SYT14: variants seen among roughly 807,000 people sequenced by gnomAD.
SYT14 encodes synaptotagmin 14.
A neutral mutation model predicts 74.2 loss-of-function variants in SYT14; 32 were observed. The observed-to-expected ratio is 0.43, with a 90% CI of 0.33 to 0.58. The LOEUF is 0.58. SYT14 is among the 20% of genes least tolerant of loss of function. The probability of loss-of-function intolerance (pLI) is 0.05; values close to 1 mark genes in which losing one functional copy is unlikely to be tolerated. For missense variants in SYT14, 791 were observed against 981.8 expected (o/e 0.81, Z 2.60); for synonymous variants, 298 against 337.7 (o/e 0.88, Z 1.29).
intron 5 of SYT14, among the ~76,000 whole-genome samples, chr1:210,026,839 TA>T (rs2080424669): frequency 6.6e-6 from 1 of 152,104 alleles, no homozygotes; most frequent in East Asian, 1.9e-4. Flanking sequence ...ACTGTTATAT[TA>T]AAAATTGTTT....
intron 5 of SYT14, among the ~76,000 whole-genome samples, chr1:210,054,728 T>C (rs1275829040): frequency 6.6e-6 from 1 of 152,190 alleles, no homozygotes; most frequent in Non-Finnish European, 1.5e-5. Context: ...CCCCTTAATT[T>C]TTCGGAATAA....
At chr1:210,107,604 T>A (rs1347194951) in intron 7 of SYT14, among the ~76,000 whole-genome samples, 1 of 152,170 alleles carries the variant, frequency 6.6e-6, no homozygotes. Flanking sequence ...GAAAAATGAC[T>A]AACCCTCTCC....
At chr1:210,074,900 G>A (rs1283129926) in intron 5 of SYT14, among the ~76,000 whole-genome samples, 1 of 152,028 alleles carries the variant, frequency 6.6e-6, no homozygotes, top group Non-Finnish European at 1.5e-5. Context: ...GGCGGCTTGT[G>A]TTAGTCAGCT....
chr1:209,964,577 G>A (rs1232450297), intron 2 of SYT14, among the ~76,000 whole-genome samples: 5 of 152,230 alleles, frequency 3.3e-5, no homozygotes, highest in Middle Eastern at 3.4e-3. Context: ...TTGGAATAAA[G>A]TATCCTCTCC....
At chr1:209,972,301 A>G (rs1310864690) in intron 2 of SYT14, among the ~76,000 whole-genome samples, 1 of 151,494 alleles carries the variant, frequency 6.6e-6, no homozygotes, top group African/African-American at 2.4e-5. Flanking sequence ...GTTTCAAAGA[A>G]CCAACTTTTG....
At chr1:210,051,043 G>C (rs532039932) in intron 5 of SYT14, among the ~76,000 whole-genome samples, 2 of 152,262 alleles carry the variant, frequency 1.3e-5, no homozygotes, top group South Asian at 4.1e-4. Context: ...TTAGTGAACA[G>C]TTTATTTTGA....
At chr1:210,038,773 G>C (rs945041823) in intron 5 of SYT14, among the ~76,000 whole-genome samples, 1 of 152,074 alleles carries the variant, frequency 6.6e-6, no homozygotes, top group African/African-American at 2.4e-5. Flanking sequence ...AGTTTCTGCT[G>C]GGAAGTCTGC....
chr1:210,107,698 AT>A (rs1220800361), intron 7 of SYT14, among the ~76,000 whole-genome samples: 1 of 152,096 alleles, frequency 6.6e-6, no homozygotes, highest in African/African-American at 2.4e-5. Context: ...ATTTTATTTC[AT>A]TTTTTTCTAT....
At chr1:209,941,523 T>G (rs1342068509) in intron 1 of SYT14, among the ~76,000 whole-genome samples, 3 of 152,182 alleles carry the variant, frequency 2.0e-5, no homozygotes, top group African/African-American at 4.8e-5. Flanking sequence ...TTGACACTTT[T>G]TTGTTGTATT....
At chr1:209,977,121 C>T (rs1469693903) in intron 2 of SYT14, among the ~76,000 whole-genome samples, 2 of 152,046 alleles carry the variant, frequency 1.3e-5, no homozygotes, top group Non-Finnish European at 2.9e-5. Flanking sequence ...AGATGGGTTC[C>T]CTGAATACAG....
intron 7 of SYT14, among the ~76,000 whole-genome samples, chr1:210,100,792 AT>A (rs142912736): frequency 1.3e-5 from 2 of 151,800 alleles, no homozygotes; most frequent in East Asian, 1.9e-4. Flanking sequence ...AGAATTTATT[AT>A]TTTTTTTCCA....
chr1:210,116,249 A>G lies in SYT14; in HGVS notation c.2034+15788A>G, dbSNP rs111784203. ...AAATGTTGAATGAATGGATGGGTGA[A>G]TAAGTTCATAGGGTATGTATATTAT... On this transcript the variant is annotated intron_variant, in intron 7 of 9. Coordinates refer to ENST00000637265, the Ensembl canonical transcript of SYT14. Among the ~76,000 whole-genome samples the G allele has an allele frequency of 9.6e-3, 1,455 of 152,314 alleles. 20 individuals are homozygous for G. The highest frequency in any genetic ancestry group is 0.033 in the African/African-American group (1,375 of 41,572).
intron 8 of SYT14, among the ~76,000 whole-genome samples, chr1:210,157,929 A>G (rs1009132579): frequency 1.3e-5 from 2 of 152,136 alleles, no homozygotes; most frequent in African/African-American, 4.8e-5. Flanking sequence ...TGCTTCTTAC[A>G]TGTATCACAG....
At chr1:210,022,925 T>C (rs2080332446) in intron 5 of SYT14, among the ~76,000 whole-genome samples, 2 of 152,156 alleles carry the variant, frequency 1.3e-5, no homozygotes, top group African/African-American at 4.8e-5. Context: ...AGCCTGACTT[T>C]ATAGCCTATG....
chr1:210,033,322 A>C (rs2080583084), intron 5 of SYT14, among the ~76,000 whole-genome samples: 1 of 151,814 alleles, frequency 6.6e-6, no homozygotes, highest in African/African-American at 2.4e-5. Context: ...AGCCATTTTA[A>C]AGAGGTAAAT....
rs1176607858 is a variant in SYT14, at chr1:209,970,692, T to A, written c.-486+17936T>A. Among the ~76,000 whole-genome samples, 248 of 65,714 alleles carry A rather than the reference T, an allele frequency of 3.8e-3. 14 individuals are homozygous for A. Among genetic ancestry groups the A allele is most frequent in the African/African-American group, 0.017 (232 of 13,902 alleles). 43.1% of individuals were successfully genotyped at this position (65,714 alleles called of 152,430 possible). ...TTTTTTTTTTTTTTTTTTTTTTTTT[T>A]TTTTTTTTTGAGGCAGAGTCTCACT... is the stretch of plus-strand genomic sequence containing the variant. On this transcript the variant is annotated intron_variant, in intron 2 of 9. Coordinates refer to ENST00000637265, the Ensembl canonical transcript of SYT14.
At chr1:210,090,624 T>C (rs1009795658) in intron 5 of SYT14, among the ~76,000 whole-genome samples, 7 of 152,152 alleles carry the variant, frequency 4.6e-5, no homozygotes, top group Non-Finnish European at 8.8e-5. Flanking sequence ...AAAATCGGGG[T>C]ATGAAATTAG....
In SYT14 at chr1:210,067,966, C is replaced by G. The variant is rs2081327416; in HGVS notation, c.1313-26356C>G. Among the ~76,000 whole-genome samples the G allele has an allele frequency of 2.0e-5, 3 of 151,806 alleles. No homozygotes were observed. In the South Asian group the frequency reaches 6.2e-4, roughly 31 times the overall value. On this transcript the variant is annotated intron_variant, in intron 5 of 9. Transcript: ENST00000637265. ...ATAAATTCTAATAATTTACCTCTAG[C>G]TCTGGCTAGGAACTCACATACAATG... is the stretch of plus-strand genomic sequence containing the variant.
At chr1:210,139,265 C>CTTTTTTTTTTTTTTTTTTTTTTTTTTT (rs960923188) in intron 7 of SYT14, among the ~76,000 whole-genome samples, 1 of 95,858 alleles carries the variant, frequency 1.0e-5, no homozygotes, top group East Asian at 2.8e-4. Context: ...TTTCTTTTTT[C>CTTTTTTTTTTTTTTTTTTTTTTTTTTT]TTTTTTTTTT....
Sources: gnomAD v4.1 joint callset for allele counts (sites outside exome capture counted in the v4.1 genomes callset) on GRCh38, gnomAD v4.1.1 for gene constraint, MANE v1.5 for transcripts, NCBI Gene and HGNC (gene_info 2026-07-23, HGNC 2026-07-21) for gene names.